RBM47: variants seen among roughly 807,000 people sequenced by gnomAD.
RBM47 encodes RNA-binding protein 47.
RBM47 carries 21 observed loss-of-function variants against 47.1 expected under a neutral mutation model. That is an observed-to-expected ratio of 0.45 (90% CI 0.32 to 0.64). The LOEUF (loss-of-function observed/expected upper bound fraction) is 0.64. Among genes scored for constraint, RBM47 ranks in the 30% least tolerant of loss-of-function variants. The probability of loss-of-function intolerance (pLI) is 0.05; values close to 1 mark genes in which losing one functional copy is unlikely to be tolerated. For synonymous variants in RBM47, 375 were observed against 361.7 expected, an observed-to-expected ratio of 1.04 and a Z score of -0.42; for missense variants, 708 against 870.9, an observed-to-expected ratio of 0.81 and a Z score of 2.35.
chr4:40,568,564 A>G (rs1731330772), intron 1 of RBM47, among the ~76,000 whole-genome samples: 1 of 150,328 alleles, frequency 6.7e-6, no homozygotes, highest in African/African-American at 2.5e-5. Flanking sequence ...ACAAAAGCAA[A>G]CGAACAAAAA....
At chr4:40,525,195 T>G (rs942084807) in intron 2 of RBM47, among the ~76,000 whole-genome samples, 6 of 152,302 alleles carry the variant, frequency 3.9e-5, no homozygotes, top group Middle Eastern at 3.4e-3. Flanking sequence ...CCCAGCACTT[T>G]GGGAGGCCAA....
chr4:40,580,421 G>T (rs1407440587), intron 1 of RBM47, among the ~76,000 whole-genome samples: 1 of 152,028 alleles, frequency 6.6e-6, no homozygotes, highest in Non-Finnish European at 1.5e-5. Flanking sequence ...AAGAATCCTT[G>T]AATCAGTTCT....
Position 40,432,712 on chromosome 4 carries a change from G to A in RBM47, c.1481C>T (p.Ala494Val). The A allele has an allele frequency of 6.2e-7, 1 of 1,611,596 alleles. No homozygotes were observed. Residue 494 changes from alanine to valine, a missense_variant, in exon 6 of 7, where the codon GCC becomes GTC. Coordinates refer to ENST00000295971, the MANE Select transcript of RBM47 (RefSeq NM_001098634.2). ...AGCGGCTGCGGCGGCTGCGGCCGCGGCTGCGGCGGCAGCAGCACTGGCTGG... is the reference window on the plus strand; with the variant it reads ...AGCGGCTGCGGCGGCTGCGGCCGCGACTGCGGCGGCAGCAGCACTGGCTGG... ...PDPASAAAAA[A>V]AAAAAAAAVI...
intron 1 of RBM47, among the ~76,000 whole-genome samples, chr4:40,574,330 TAAAG>T (rs1732088166): frequency 6.6e-6 from 1 of 152,180 alleles, no homozygotes; most frequent in Non-Finnish European, 1.5e-5. Context: ...TTCTAAGAAA[TAAAG>T]ACTTTTATTT....
intron 1 of RBM47, among the ~76,000 whole-genome samples, chr4:40,612,888 T>G (rs1736382911): frequency 6.6e-6 from 1 of 152,190 alleles, no homozygotes; most frequent in Non-Finnish European, 1.5e-5. Flanking sequence ...TTTCCTTTGG[T>G]TGTAATTAAT....
intron 2 of RBM47, among the ~76,000 whole-genome samples, chr4:40,508,568 G>A (rs764604268): frequency 3.3e-5 from 5 of 152,174 alleles, no homozygotes; most frequent in Non-Finnish European, 5.9e-5. Flanking sequence ...GAGCGTCACC[G>A]ATAAAGGGTT....
At chr4:40,440,116 T>C (rs1713396971) in intron 3 of RBM47, among the ~76,000 whole-genome samples, 1 of 152,228 alleles carries the variant, frequency 6.6e-6, no homozygotes, top group African/African-American at 2.4e-5. Context: ...ACTTCTGTAA[T>C]GAAAGGCTCC....
rs1246725465 is a variant in RBM47, at chr4:40,426,156, G to GA, written c.1543-14dup. 3.1e-6 allele frequency: 5 copies of GA among 1,609,234 alleles called. No homozygotes were observed. In the East Asian group the frequency reaches 1.1e-4, roughly 36 times the overall value. Reference sequence around the variant, plus strand: ...TTATTGGGCGGCCCTGAGGAGAAGAGACAAAAAGGAGCCTTCCTGAACACG... The same window carrying GA: ...TTATTGGGCGGCCCTGAGGAGAAGAGAACAAAAAGGAGCCTTCCTGAACACG... On this transcript the variant is annotated splice_polypyrimidine_tract_variant and intron_variant, in intron 6 of 6. Transcript: ENST00000295971.
chr4:40,536,296 A>C (rs1727973706), intron 2 of RBM47, among the ~76,000 whole-genome samples: 1 of 152,132 alleles, frequency 6.6e-6, no homozygotes, highest in Admixed American at 6.6e-5. Flanking sequence ...GCCCGGGATG[A>C]GGCCCCACCT....
At chr4:40,471,276 C>T (rs1718823203) in intron 2 of RBM47, among the ~76,000 whole-genome samples, 1 of 152,188 alleles carries the variant, frequency 6.6e-6, no homozygotes, top group Non-Finnish European at 1.5e-5. Flanking sequence ...CATTTGAAAG[C>T]ATCTCCTAAA....
intron 1 of RBM47, among the ~76,000 whole-genome samples, chr4:40,552,459 A>G (rs948297793): frequency 6.6e-6 from 1 of 152,148 alleles, no homozygotes; most frequent in African/African-American, 2.4e-5. Flanking sequence ...TGGGCTCTGT[A>G]TTTCAACTAT....
At chr4:40,555,039 G>A (rs1039687588) in intron 1 of RBM47, among the ~76,000 whole-genome samples, 5 of 152,096 alleles carry the variant, frequency 3.3e-5, no homozygotes, top group Non-Finnish European at 5.9e-5. Context: ...AGGTTCAAGC[G>A]GTTCTCCTGC....
At chr4:40,560,439 T>TA (rs35788683) in intron 1 of RBM47, among the ~76,000 whole-genome samples, 23,257 of 151,094 alleles carry the variant, frequency 0.15, 1,821 homozygotes, top group Admixed American at 0.17. Context: ...CAGGTGCATT[T>TA]AAAAAAAAAA....
chr4:40,526,527 T>C (rs894555954), intron 2 of RBM47, among the ~76,000 whole-genome samples: 2 of 152,136 alleles, frequency 1.3e-5, no homozygotes, highest in Non-Finnish European at 1.5e-5. Flanking sequence ...TGTTTTCTGT[T>C]ACATATTATT....
chr4:40,573,836 A>AAAGAAAGAAAGAAAGAAAGAAAGG (rs1268369563), intron 1 of RBM47, among the ~76,000 whole-genome samples: 2 of 70,262 alleles, frequency 2.8e-5, no homozygotes, highest in Non-Finnish European at 4.9e-5. Flanking sequence ...AGAAAGAAAG[A>AAAGAAAGAAAGAAAGAAAGAAAGG]GAAAGAAAGA....
intron 1 of RBM47, among the ~76,000 whole-genome samples, chr4:40,572,400 T>C (rs1039995865): frequency 6.6e-6 from 1 of 151,702 alleles, no homozygotes; most frequent in Non-Finnish European, 1.5e-5. Context: ...GCTCTCAATG[T>C]ACTGTTATTG....
At chr4:40,593,023 T>C (rs1418655561) in intron 1 of RBM47, among the ~76,000 whole-genome samples, 1 of 114,374 alleles carries the variant, frequency 8.7e-6, no homozygotes, top group African/African-American at 3.4e-5. Flanking sequence ...TGAGACGGAG[T>C]CTGGCTCTGT....
chr4:40,440,633 G>A lies in RBM47; in HGVS notation c.-31-1709C>T, dbSNP rs992058911. 6.6e-5 allele frequency among the ~76,000 whole-genome samples: 10 copies of A among 152,294 alleles called. 2 individuals carry two copies. The highest frequency in any genetic ancestry group is 5.2e-4 in the Admixed American group (8 of 15,294). ...GGTTAATTTGCTCTAATATCAAGCG[G>A]CAGTACAGTTTAGCAGGTAAGTATG... is the stretch of plus-strand genomic sequence containing the variant. On this transcript the variant is annotated intron_variant, in intron 3 of 6. Coordinates refer to ENST00000295971, the MANE Select transcript of RBM47 (RefSeq NM_001098634.2).
chr4:40,476,044 C>G (rs1719560854), intron 2 of RBM47, among the ~76,000 whole-genome samples: 1 of 152,114 alleles, frequency 6.6e-6, no homozygotes, highest in Non-Finnish European at 1.5e-5. Flanking sequence ...ATATTTTATT[C>G]AAACCCAAAT....
Sources: gnomAD v4.1 joint callset for allele counts (sites outside exome capture counted in the v4.1 genomes callset) on GRCh38, gnomAD v4.1.1 for gene constraint, MANE v1.5 for transcripts, NCBI Gene and HGNC (gene_info 2026-07-23, HGNC 2026-07-21) for gene names.